THSD4: variants seen among roughly 807,000 people sequenced by gnomAD.
The protein encoded by THSD4 is thrombospondin type-1 domain-containing protein 4.
THSD4 carries 69 observed loss-of-function variants against 119.0 expected under a neutral mutation model. The observed-to-expected ratio is 0.58, with a 90% CI of 0.48 to 0.71. The LOEUF (loss-of-function observed/expected upper bound fraction) is 0.71, where lower values mean the gene tolerates loss of function less well. Among genes scored for constraint, THSD4 ranks in the 30% least tolerant of loss-of-function variants. The pLI, the probability that THSD4 is intolerant of heterozygous loss-of-function variation, is 0.00. For synonymous variants in THSD4, 524 were observed against 540.4 expected (o/e 0.97, Z 0.42); for missense variants, 1,393 against 1,391.1 (o/e 1.00, Z -0.02).
intron 6 of THSD4, among the ~76,000 whole-genome samples, chr15:71,337,055 A>G (rs569556961): frequency 1.1e-3 from 172 of 152,226 alleles, no homozygotes; most frequent in Non-Finnish European, 2.2e-3. Flanking sequence ...TTTGTTTTGG[A>G]GAGAAGTGGG....
chr15:71,776,211 CAT>C (rs1567147780), intron 17 of THSD4, among the ~76,000 whole-genome samples: 1 of 152,150 alleles, frequency 6.6e-6, no homozygotes, highest in Non-Finnish European at 1.5e-5. Flanking sequence ...CAAAGGAAAA[CAT>C]ATTATAATAT....
intron 8 of THSD4, among the ~76,000 whole-genome samples, chr15:71,709,351 C>T (rs890481652): frequency 6.6e-6 from 1 of 152,088 alleles, no homozygotes; most frequent in African/African-American, 2.4e-5. Flanking sequence ...GCAGCAGCAC[C>T]TGTGTGAAAA....
chr15:71,270,136 T>C (rs1009075374), intron 6 of THSD4, among the ~76,000 whole-genome samples: 1 of 152,220 alleles, frequency 6.6e-6, no homozygotes, highest in Non-Finnish European at 1.5e-5. Flanking sequence ...AGAGCCCATA[T>C]AGCCAAGACA....
intron 7 of THSD4, among the ~76,000 whole-genome samples, chr15:71,637,228 T>C (rs1022988811): frequency 3.3e-5 from 5 of 152,204 alleles, no homozygotes; most frequent in African/African-American, 1.2e-4. Context: ...TTACAGAGCT[T>C]TAACTTCTCA....
rs2050045944 is a variant in THSD4 at position 71,603,218 on chromosome 15, AAC to A, written c.1153-57308_1153-57307del. Among the ~76,000 whole-genome samples, 3 of 152,222 alleles carry A rather than the reference AAC, an allele frequency of 2.0e-5. No homozygotes were observed. The South Asian group carries it at 6.2e-4, about 32-fold the overall frequency. On this transcript the variant is annotated intron_variant, in intron 7 of 17. Coordinates refer to ENST00000261862, the MANE Select transcript of THSD4 (RefSeq NM_024817.3). ...TGTCACACCACCAGGAATGATTAGG[AAC>A]ACAGACACATTGAAGGGTGAGGGGA...
intron 5 of THSD4, among the ~76,000 whole-genome samples, chr15:71,250,443 T>C (rs1286147871): frequency 6.6e-6 from 1 of 151,954 alleles, no homozygotes; most frequent in Non-Finnish European, 1.5e-5. Flanking sequence ...ACTCAAACAA[T>C]CCTTCTGCCT....
chr15:71,502,750 G>GC (rs2048130608), intron 7 of THSD4, among the ~76,000 whole-genome samples: 1 of 152,160 alleles, frequency 6.6e-6, no homozygotes, highest in Non-Finnish European at 1.5e-5. Flanking sequence ...ATCATCTCAG[G>GC]CTGCTGTACC....
chr15:71,640,739 C>G (rs1336699968), intron 7 of THSD4, among the ~76,000 whole-genome samples: 1 of 152,134 alleles, frequency 6.6e-6, no homozygotes, highest in Admixed American at 6.6e-5. Context: ...TCTCTGAACT[C>G]CTCAGCTGTT....
intron 7 of THSD4, among the ~76,000 whole-genome samples, chr15:71,473,218 T>C (rs34394316): frequency 0.18 from 26,862 of 151,982 alleles, 2,729 homozygotes; most frequent in South Asian, 0.37. Flanking sequence ...CTACCACACC[T>C]GGCTAATTTT....
chr15:71,307,062 T>C (rs964175451), intron 6 of THSD4, among the ~76,000 whole-genome samples: 8 of 152,198 alleles, frequency 5.3e-5, no homozygotes, highest in Non-Finnish European at 8.8e-5. Context: ...GAAAACACTT[T>C]CCTTCCAGGC....
chr15:71,394,635 T>G (rs756810827), intron 6 of THSD4, among the ~76,000 whole-genome samples: 2 of 152,180 alleles, frequency 1.3e-5, no homozygotes, highest in Non-Finnish European at 2.9e-5. Context: ...CTGCTTGGGA[T>G]GTCTTCCTCC....
chr15:71,361,721 A>C (rs1374963962), intron 6 of THSD4, among the ~76,000 whole-genome samples: 1 of 152,224 alleles, frequency 6.6e-6, no homozygotes, highest in African/African-American at 2.4e-5. Flanking sequence ...TTGTCATCAC[A>C]AAAGATTGGA....
intron 4 of THSD4, among the ~76,000 whole-genome samples, chr15:71,221,765 A>G (rs2043977489): frequency 6.6e-6 from 1 of 152,236 alleles, no homozygotes; most frequent in African/African-American, 2.4e-5. Flanking sequence ...TTTTGGGTGG[A>G]AATTGGGAAG....
At chr15:71,439,986 C>T (rs188147892) in intron 7 of THSD4, among the ~76,000 whole-genome samples, 4 of 152,206 alleles carry the variant, frequency 2.6e-5, no homozygotes, top group African/African-American at 7.2e-5. Flanking sequence ...GCATGTTCTG[C>T]ACATGTACCC....
At chr15:71,530,158 T>TTAG (rs1343675589) in intron 7 of THSD4, among the ~76,000 whole-genome samples, 1 of 151,914 alleles carries the variant, frequency 6.6e-6, no homozygotes, top group Non-Finnish European at 1.5e-5. Flanking sequence ...CTGTTAGAAA[T>TTAG]TATTATTGGA....
chr15:71,224,594 A>C (rs76373429), intron 4 of THSD4, among the ~76,000 whole-genome samples: 7,597 of 152,242 alleles, frequency 0.05, 686 homozygotes, highest in African/African-American at 0.17. Flanking sequence ...CTTAAAAAAA[A>C]CACACCAGTT....
In THSD4 at chr15:71,748,561, C is replaced by A. The variant is rs776055328; in HGVS notation, c.2382C>A (p.Ala794=). 4 of 1,614,174 alleles carry A rather than the reference C, an allele frequency of 2.5e-6. No individual in the cohort carries two copies. In the South Asian group the frequency reaches 3.3e-5, roughly 13 times the overall value. ...AGAACTGCGACATGGGACCCTGTGC[C>A]AAGAGCTGGTTCCTCACCGAGTGGA... ...DIENCDMGPC[A]KSWFLTEWSE... is the part of the protein sequence containing the mutation. Residue 794 remains alanine (A), a synonymous_variant, in exon 14 of 18, where the codon GCC becomes GCA. Coordinates refer to ENST00000261862, the MANE Select transcript of THSD4 (RefSeq NM_024817.3).
intron 7 of THSD4, among the ~76,000 whole-genome samples, chr15:71,624,576 G>A (rs558756200): frequency 1.1e-4 from 16 of 152,278 alleles, no homozygotes; most frequent in African/African-American, 3.9e-4. Flanking sequence ...TTGAAACCCT[G>A]TGTTTTGGAC....
At chr15:71,281,272 G>T (rs1831939617) in intron 6 of THSD4, among the ~76,000 whole-genome samples, 1 of 152,246 alleles carries the variant, frequency 6.6e-6, no homozygotes, top group African/African-American at 2.4e-5. Flanking sequence ...AACAATGCTT[G>T]TTAATTAAAA....
Sources: allele counts gnomAD v4.1 joint callset (sites outside exome capture counted in the v4.1 genomes callset), GRCh38; gene constraint gnomAD v4.1.1; transcripts MANE v1.5; gene names NCBI Gene and HGNC (gene_info 2026-07-23, HGNC 2026-07-21).